GCN1: variants seen among roughly 807,000 people sequenced by gnomAD.
The protein encoded by GCN1 is GCN1 activator of EIF2AK4, also known as stalled ribosome sensor GCN1.
A neutral mutation model predicts 288.4 loss-of-function variants in GCN1; 90 were observed. That is an observed-to-expected ratio of 0.31 (90% CI 0.26 to 0.37). The LOEUF (loss-of-function observed/expected upper bound fraction) is 0.37, where lower values mean the gene tolerates loss of function less well. Ranked by LOEUF, GCN1 falls within the 10% of genes least tolerant of loss-of-function variation. The pLI is 1.00. For missense variants in GCN1, 2,586 were observed against 3,419.9 expected, an observed-to-expected ratio of 0.76 and a Z score of 6.08; for synonymous variants, 1,386 against 1,420.2, an observed-to-expected ratio of 0.98 and a Z score of 0.54.
chr12:120,167,246 A>T (rs890264381), intron 16 of GCN1, among the ~76,000 whole-genome samples: 12 of 150,666 alleles, frequency 8.0e-5, no homozygotes, highest in Admixed American at 2.6e-4. Context: ...CCAGCTACTC[A>T]GGAGGCTGAG....
At chr12:120,173,882 A>C in intron 13 of GCN1, 56 bp from the exon 14 acceptor site, 2 of 1,482,166 alleles carry the variant, frequency 1.3e-6, no homozygotes, top group South Asian at 1.2e-5. Flanking sequence ...ATGTCAAATC[A>C]TTGCAAGCAG....
In GCN1 at chr12:120,137,924, G is replaced by A; in HGVS notation, c.6370C>T (p.Leu2124Phe). The change falls in exon 48 of 58, where the codon CTT (leucine) becomes TTT (phenylalanine). Residue 2124 changes from leucine to phenylalanine, a missense_variant. Physicochemically the swap from Leu to Phe is conservative, Grantham distance 22 (BLOSUM62 0). Coordinates refer to ENST00000300648, the MANE Select transcript of GCN1 (RefSeq NM_006836.2). This position sits in a 1 kb window ranked among gnomAD's most constrained non-coding sequence, Gnocchi z 5.2. The stretch of plus-strand genomic sequence containing the variant: ...ACCAGCTGCTCATCTGGGGTCCCAA[G>A]CTTTTCCTTCAGGGCCAGCATGACC... ...PAVMLALKEK[L>F]GTPDEQLEMA... 1 of 1,614,210 alleles carries A rather than the reference G, an allele frequency of 6.2e-7. No individual in the cohort carries two copies.
At position 120,137,573 on chromosome 12, in the gene GCN1, C is replaced by T. The variant is rs376666835; in HGVS notation, c.6635G>A (p.Ser2212Asn). The T allele has an allele frequency of 6.2e-7, 1 of 1,614,196 alleles. No individual in the cohort carries two copies. The highest frequency in any genetic ancestry group is 1.3e-5 in the African/African-American group (1 of 75,042). ...AGTGATGGCATTTAGGGCATCCCAG[C>T]TCTCCTCCAGAACCACAGGGCTGGA... ...NDSSPVVLEE[S>N]WDALNAITKK... The change falls in exon 49 of 58, where the codon AGC becomes AAC. Residue 2212 changes from serine (S) to asparagine (N), a missense_variant. Ser to Asn is a conservative substitution (Grantham distance 46). This residue lies in a region of GCN1 where 437 missense variants were observed against 570.5 expected (regional missense o/e 0.77). Coordinates refer to ENST00000300648, the MANE Select transcript of GCN1 (RefSeq NM_006836.2). The surrounding 1 kb of genome is among the most constrained non-coding windows in gnomAD (Gnocchi z 5.2).
chr12:120,168,158 A>T (rs775612234), intron 16 of GCN1, 50 bp downstream of exon 16: 3 of 1,125,040 alleles, frequency 2.7e-6, no homozygotes, highest in Non-Finnish European at 4.1e-6. Flanking sequence ...AAGATTTTCC[A>T]AAGAGACTTT....
chr12:120,184,921 A>T, intron 2 of GCN1, 34 bp from the exon 3 acceptor site: 2 of 1,473,938 alleles, frequency 1.4e-6, no homozygotes, highest in Non-Finnish European at 1.9e-6. Context: ...AGCGGTCAAT[A>T]AAAATCACTT....
intron 13 of GCN1, 98 bp downstream of exon 13, chr12:120,173,973 G>A (rs772043546): frequency 8.9e-6 from 9 of 1,008,070 alleles, no homozygotes; most frequent in Non-Finnish European, 1.4e-5. Context: ...AGGGAGGTGT[G>A]TCTTTAGGAG....
rs368937583 is a variant in GCN1, at chr12:120,151,248, C to T, written c.4206G>A (p.Ala1402=). 12 of 1,614,056 alleles carry T rather than the reference C, an allele frequency of 7.4e-6. No individual in the cohort carries two copies. Among genetic ancestry groups the T allele is most frequent in the Admixed American group, 1.7e-5 (1 of 60,006 alleles). The change falls in exon 34 of 58, where the codon GCG becomes GCA. Residue 1402 remains alanine, a synonymous_variant. Transcript: ENST00000300648. ...AERKGAAYGL[A]GLVKGLGILS... ...GGATGCCCAGGCCCTTCACCAGGCC[C>T]GCCAGGCCATAGGCGGCCCCTTTGC...
intron 57 of GCN1, among the ~76,000 whole-genome samples, chr12:120,128,837 CTTTT>C (rs35329199): frequency 1.0e-5 from 1 of 98,414 alleles, no homozygotes; most frequent in Non-Finnish European, 1.9e-5. Flanking sequence ...TCACCCAAAT[CTTTT>C]TTTTTTTTTT....
At chr12:120,194,488 G>A (rs1879106989) in intron 1 of GCN1, among the ~76,000 whole-genome samples, 192 bp downstream of exon 1, 1 of 152,226 alleles carries the variant, frequency 6.6e-6, no homozygotes. Context: ...TCGAGCCCGC[G>A]GTCTGCCTGC....
Position 120,139,013 on chromosome 12 carries a change from A to T in GCN1, c.5995-157T>A, listed in dbSNP as rs1877103622. 2.8e-5 allele frequency: 17 copies of T among 614,260 alleles called. No homozygotes were observed. The South Asian group carries it at 3.9e-4, about 14-fold the overall frequency. 38.1% of individuals were successfully genotyped at this position (614,260 alleles called of 1,614,324 possible). On this transcript the variant is annotated intron_variant, in intron 45 of 57. Transcript: ENST00000300648. ...ACTTAACTCTTTACTGTGAAATAAA[A>T]AAAAGGAGAGAAGGGGCCGGGCACG... is the stretch of plus-strand genomic sequence containing the variant.
intron 45 of GCN1, among the ~76,000 whole-genome samples, chr12:120,139,146 C>T (rs1877109119): frequency 6.6e-6 from 1 of 151,776 alleles, no homozygotes; most frequent in Admixed American, 6.6e-5. Context: ...CCTATCTCTA[C>T]TAAAAATACA....
rs1318486605 is a variant in GCN1 at position 120,194,587 on chromosome 12, G to T, written c.18+93C>A. ...GACCTCCACAGCCACCACCTCCAAC[G>T]CCCCTAAGCCGAGGAGCGAGAGGGG... is the stretch of plus-strand genomic sequence containing the variant. On this transcript the variant is annotated intron_variant, in intron 1 of 57. Coordinates refer to ENST00000300648, the MANE Select transcript of GCN1 (RefSeq NM_006836.2). 6.1e-6 allele frequency: 7 copies of T among 1,154,692 alleles called. No individual in the cohort carries two copies. In the African/African-American group the frequency reaches 1.1e-4, roughly 19 times the overall value. The allele number at this position is 1,154,692 out of a possible 1,614,324, so 71.5% of individuals were successfully genotyped here.
At chr12:120,131,386 G>A in intron 54 of GCN1, 53 bp from the exon 55 acceptor site, 9 of 1,583,640 alleles carry the variant, frequency 5.7e-6, no homozygotes, top group African/African-American at 1.3e-5. Flanking sequence ...CATGTCCCCA[G>A]CACCCATGAG....
chr12:120,175,126 C>CAAAAAAAAAAAAAAAAAA, intron 12 of GCN1, 36 bp downstream of exon 12: 2 of 1,065,014 alleles, frequency 1.9e-6, no homozygotes, highest in Non-Finnish European at 2.6e-6. Flanking sequence ...GACTTTCTCT[C>CAAAAAAAAAAAAAAAAAA]AAAAAAAAAA....
intron 45 of GCN1, among the ~76,000 whole-genome samples, chr12:120,139,398 A>G (rs971645679): frequency 6.6e-6 from 1 of 151,714 alleles, no homozygotes; most frequent in Non-Finnish European, 1.5e-5. Context: ...AGGTGGAGGC[A>G]AGAGAATCAC....
At position 120,178,654 on chromosome 12, in the gene GCN1, T is replaced by C; in HGVS notation, c.631A>G (p.Lys211Glu). Residue 211 changes from lysine to glutamate, a missense_variant, in exon 7 of 58, where the codon AAG (lysine) becomes GAG (glutamate). Physicochemically the swap from Lys to Glu is moderately conservative, Grantham distance 56. Coordinates refer to ENST00000300648, the MANE Select transcript of GCN1 (RefSeq NM_006836.2). ...GLLVQFCTSHKEMDVVSQHKS... is the reference protein window; with the variant it reads ...GLLVQFCTSHEEMDVVSQHKS... ...TGCTGACTGACCACGTCCATCTCCT[T>C]GTGACTCGTGCAGAACTGCACCAGC... 6.2e-6 allele frequency: 10 copies of C among 1,614,202 alleles called. No individual in the cohort carries two copies. The highest frequency in any genetic ancestry group is 8.5e-6 in the Non-Finnish European group (10 of 1,180,014).
intron 24 of GCN1, among the ~76,000 whole-genome samples, chr12:120,159,584 G>A (rs1877862400): frequency 6.6e-6 from 1 of 152,166 alleles, no homozygotes. Flanking sequence ...ATCGAACACT[G>A]ACTAGCATCT....
At chr12:120,175,029 A>G in intron 12 of GCN1, 133 bp downstream of exon 12, 1 of 689,348 alleles carries the variant, frequency 1.5e-6, no homozygotes. Context: ...AAGGAGGCTG[A>G]GGCATGAGGA....
chr12:120,160,100 G>T, intron 23 of GCN1, 42 bp downstream of exon 23: 1 of 1,586,952 alleles, frequency 6.3e-7, no homozygotes, highest in Non-Finnish European at 8.7e-7. Flanking sequence ...AAGCTGCCCA[G>T]CACTCTTCCG....
Sources: gnomAD v4.1 joint callset for allele counts (sites outside exome capture counted in the v4.1 genomes callset) on GRCh38, gnomAD v4.1.1 for gene constraint, gnomAD v4.1.1 regional missense constraint, Gnocchi (gnomAD v3.1) non-coding constraint, MANE v1.5 for transcripts, NCBI Gene and HGNC (gene_info 2026-07-23, HGNC 2026-07-21) for gene names.